Variants in VPS13B observed in about 807,000 individuals in gnomAD.
VPS13B encodes the protein intermembrane lipid transfer protein VPS13B.
In VPS13B, 285 loss-of-function variants were observed where a neutral mutation model predicts 426.4. The observed-to-expected ratio is 0.67, with a 90% CI of 0.61 to 0.74. The LOEUF (loss-of-function observed/expected upper bound fraction) is 0.74. VPS13B is among the 30% of genes least tolerant of loss of function. VPS13B has a pLI of 0.00. For synonymous variants in VPS13B, 1,676 were observed against 1,676.4 expected (o/e 1.00, Z 0.01); for missense variants, 4,537 against 4,782.6 (o/e 0.95, Z 1.51).
chr8:99,167,672 A>G lies in VPS13B; in HGVS notation c.2209-2367A>G, dbSNP rs953665670. Among the ~76,000 whole-genome samples the G allele has an allele frequency of 3.3e-5, 5 of 152,230 alleles. No homozygotes were observed. The East Asian group carries it at 9.6e-4, about 29-fold the overall frequency. ...TATTAATTCAAGAACATTTGTTGTA[A>G]AATGTTAAAATCTTGATGATGTATT... On this transcript the variant is annotated intron_variant, in intron 15 of 61. Coordinates refer to ENST00000357162, the MANE Select transcript of VPS13B (RefSeq NM_152564.5).
chr8:99,789,398 C>A (rs1462130323), intron 43 of VPS13B, among the ~76,000 whole-genome samples: 7 of 152,048 alleles, frequency 4.6e-5, no homozygotes. Flanking sequence ...CAAGTGTTCT[C>A]CTATGTGTGC....
At chr8:99,445,858 C>T (rs1276913927) in intron 23 of VPS13B, among the ~76,000 whole-genome samples, 8 of 152,066 alleles carry the variant, frequency 5.3e-5, no homozygotes, top group Admixed American at 2.6e-4. Flanking sequence ...TTAGATTTGG[C>T]ATATATAGAA....
At chr8:99,081,949 T>C (rs1358971251) in intron 3 of VPS13B, among the ~76,000 whole-genome samples, 3 of 152,236 alleles carry the variant, frequency 2.0e-5, no homozygotes, top group Admixed American at 6.5e-5. Flanking sequence ...TATAGCAGCA[T>C]GATTTATAAT....
chr8:99,380,895 A>C (rs1813761020), intron 19 of VPS13B, among the ~76,000 whole-genome samples: 1 of 151,262 alleles, frequency 6.6e-6, no homozygotes, highest in South Asian at 2.1e-4. Context: ...TTTTTTAAAA[A>C]AAAAAGACTT....
At chr8:99,219,646 G>C (rs1278702346) in intron 17 of VPS13B, among the ~76,000 whole-genome samples, 4 of 152,192 alleles carry the variant, frequency 2.6e-5, no homozygotes, top group African/African-American at 9.6e-5. Context: ...GTGTGTGCAC[G>C]CACACTGGTG....
chr8:99,147,965 A>AT lies in VPS13B; in HGVS notation c.1970dup (p.Asn658GlnfsTer18). On this transcript the variant is annotated frameshift_variant, in exon 14 of 62. Coordinates refer to ENST00000357162, the MANE Select transcript of VPS13B (RefSeq NM_152564.5). LOFTEE classifies it high-confidence loss of function. ...GTACCTGCACAATTTCCATGGCTGA[A>AT]TTCAACTTGCTGGACCATTTACTAC... The AT allele has an allele frequency of 6.2e-7, 1 of 1,613,778 alleles. No individual in the cohort carries two copies. The highest frequency in any genetic ancestry group is 8.5e-7 in the Non-Finnish European group (1 of 1,179,864).
intron 39 of VPS13B, 120 bp from the exon 40 acceptor site, chr8:99,766,654 C>A: frequency 1.2e-6 from 1 of 831,662 alleles, no homozygotes; most frequent in Admixed American, 2.7e-5. Context: ...TCTTTTATAA[C>A]CTTATTCTCC....
At chr8:99,441,056 A>T (rs1003307793) in intron 22 of VPS13B, among the ~76,000 whole-genome samples, 1 of 152,090 alleles carries the variant, frequency 6.6e-6, no homozygotes, top group Admixed American at 6.5e-5. Flanking sequence ...CTACATCATG[A>T]TCTTAAATCA....
chr8:99,139,044 G>C (rs1035908948), intron 12 of VPS13B, among the ~76,000 whole-genome samples: 17 of 152,044 alleles, frequency 1.1e-4, no homozygotes, highest in Non-Finnish European at 4.4e-5. Context: ...TCACTTCCAT[G>C]AATACTATAC....
chr8:99,565,365 CTT>C (rs200057208), intron 31 of VPS13B, among the ~76,000 whole-genome samples: 24 of 143,702 alleles, frequency 1.7e-4, no homozygotes, highest in Admixed American at 2.1e-4. Context: ...ACTCTGTGGG[CTT>C]TTTTTTTTTT....
At chr8:99,200,465 T>C (rs1489591612) in intron 17 of VPS13B, among the ~76,000 whole-genome samples, 1 of 152,140 alleles carries the variant, frequency 6.6e-6, no homozygotes. Flanking sequence ...ATTTGTAACC[T>C]TTTGAGGAGC....
At chr8:99,837,303 C>A (rs1206991185) in intron 54 of VPS13B, among the ~76,000 whole-genome samples, 2 of 152,122 alleles carry the variant, frequency 1.3e-5, no homozygotes, top group African/African-American at 2.4e-5. Context: ...GGTGTGCTTT[C>A]TATCAGCTGT....
At chr8:99,685,355 C>T (rs1831341577) in intron 35 of VPS13B, among the ~76,000 whole-genome samples, 1 of 152,228 alleles carries the variant, frequency 6.6e-6, no homozygotes, top group Non-Finnish European at 1.5e-5. Flanking sequence ...AGCTGGTTCT[C>T]TGTTCAGGGT....
chr8:99,220,780 CTTTTTTT>C (rs5893485), intron 17 of VPS13B, among the ~76,000 whole-genome samples: 7 of 112,962 alleles, frequency 6.2e-5, no homozygotes, highest in Non-Finnish European at 1.2e-4. Flanking sequence ...TAGTTTTATT[CTTTTTTT>C]TTTTTTTTTT....
At chr8:99,583,215 G>A (rs1021660571) in intron 33 of VPS13B, among the ~76,000 whole-genome samples, 2 of 152,160 alleles carry the variant, frequency 1.3e-5, no homozygotes, top group African/African-American at 4.8e-5. Context: ...AGCCAGATGA[G>A]AGAAGATTGT....
chr8:99,697,346 G>A (rs2130157695), intron 35 of VPS13B: 1 of 579,434 alleles, frequency 1.7e-6, no homozygotes, highest in East Asian at 2.9e-5. Flanking sequence ...GAAGGCCAGG[G>A]GCCTAACCTC....
intron 19 of VPS13B, among the ~76,000 whole-genome samples, chr8:99,358,336 C>T (rs1343274596): frequency 2.0e-5 from 3 of 152,092 alleles, no homozygotes; most frequent in Non-Finnish European, 2.9e-5. Flanking sequence ...TAATACTGGA[C>T]TATTTAATTA....
intron 35 of VPS13B, among the ~76,000 whole-genome samples, chr8:99,695,410 A>G (rs1229007220): frequency 6.6e-6 from 1 of 151,278 alleles, no homozygotes; most frequent in Non-Finnish European, 1.5e-5. Flanking sequence ...GACATGGATG[A>G]AACTGGAAAA....
chr8:99,172,603 T>C (rs1313325530), intron 16 of VPS13B, among the ~76,000 whole-genome samples: 3 of 152,186 alleles, frequency 2.0e-5, no homozygotes, highest in Non-Finnish European at 4.4e-5. Flanking sequence ...TATAATCTTC[T>C]GTTAATCAGT....
Sources: gnomAD v4.1 joint callset for allele counts (sites outside exome capture counted in the v4.1 genomes callset) on GRCh38, gnomAD v4.1.1 for gene constraint, MANE v1.5 for transcripts, NCBI Gene and HGNC (gene_info 2026-07-23, HGNC 2026-07-21) for gene names.